CTNNA1: variants seen among roughly 807,000 people sequenced by gnomAD.
CTNNA1 encodes catenin alpha-1.
CTNNA1 carries 37 observed loss-of-function variants against 98.4 expected under a neutral mutation model. The ratio of observed to expected loss-of-function variants is 0.38; its 90% CI spans 0.29 to 0.49. The LOEUF (loss-of-function observed/expected upper bound fraction) is 0.49. CTNNA1 is among the 20% of genes least tolerant of loss of function. The pLI is 0.95. For missense variants in CTNNA1, 761 were observed against 1,147.2 expected (o/e 0.66, Z 4.86); for synonymous variants, 404 against 413.2 (o/e 0.98, Z 0.27).
chr5:138,852,913 G>A (rs1023599280), intron 7 of CTNNA1, among the ~76,000 whole-genome samples: 2 of 122,774 alleles, frequency 1.6e-5, no homozygotes, highest in Non-Finnish European at 3.6e-5. Flanking sequence ...GATCAAAGTG[G>A]GATCATTGTT....
At chr5:138,901,836 T>C (rs781523977) in intron 9 of CTNNA1, among the ~76,000 whole-genome samples, 15 of 152,212 alleles carry the variant, frequency 9.9e-5, no homozygotes, top group Non-Finnish European at 1.8e-4. Context: ...CTCCTTTCAC[T>C]GTAGTCAGGC....
At chr5:138,854,337 C>A (rs960294740) in intron 7 of CTNNA1, among the ~76,000 whole-genome samples, 4 of 152,152 alleles carry the variant, frequency 2.6e-5, no homozygotes, top group Non-Finnish European at 4.4e-5. Context: ...TAAAAAAAAT[C>A]TTTGACAAGA....
At chr5:138,847,439 A>G (rs1378839610) in intron 7 of CTNNA1, among the ~76,000 whole-genome samples, 1 of 152,190 alleles carries the variant, frequency 6.6e-6, no homozygotes, top group African/African-American at 2.4e-5. Context: ...TGCTGAGATT[A>G]GAGGCATGAG....
chr5:138,924,733 G>C, intron 12 of CTNNA1, 23 bp downstream of exon 12: 2 of 1,547,734 alleles, frequency 1.3e-6, no homozygotes, highest in African/African-American at 2.7e-5. Context: ...TCCCTTTCCA[G>C]TGCTCGCACA....
chr5:138,782,188 G>C (rs184748408), intron 2 of CTNNA1, 159 bp downstream of exon 2: 3 of 730,302 alleles, frequency 4.1e-6, no homozygotes, highest in South Asian at 3.3e-5. Flanking sequence ...CATGGGTTTA[G>C]TTAACCCTTG....
At chr5:138,907,845 C>T (rs1759613947) in intron 10 of CTNNA1, among the ~76,000 whole-genome samples, 1 of 152,182 alleles carries the variant, frequency 6.6e-6, no homozygotes, top group African/African-American at 2.4e-5. Flanking sequence ...CATGCCCAGG[C>T]TGCTGTACAT....
chr5:138,765,627 A>T (rs1171787633), intron 1 of CTNNA1, among the ~76,000 whole-genome samples: 1 of 152,266 alleles, frequency 6.6e-6, no homozygotes, highest in South Asian at 2.1e-4. Context: ...TTATGAACTC[A>T]GGAGATCAGG....
chr5:138,900,583 C>G (rs1757818633), intron 9 of CTNNA1, among the ~76,000 whole-genome samples: 1 of 152,066 alleles, frequency 6.6e-6, no homozygotes, highest in Non-Finnish European at 1.5e-5. Flanking sequence ...ACAGAAGGAG[C>G]AGGATTGAAA....
In CTNNA1 at chr5:138,824,513, T is replaced by G. The variant is rs1345124563; in HGVS notation, c.589-17T>G. ...TATAAAGAGTGCTCCAATTTCTTGT[T>G]TTATTTACTCTTGTAGGAATTGAAA... On this transcript the variant is annotated splice_polypyrimidine_tract_variant and intron_variant, in intron 5 of 17. Transcript: ENST00000302763. 1 of 1,606,820 alleles carries G rather than the reference T, an allele frequency of 6.2e-7. No homozygotes were observed. Among genetic ancestry groups the G allele is most frequent in the Non-Finnish European group, 8.5e-7 (1 of 1,174,086 alleles).
chr5:138,824,420 T>G (rs1760424048), intron 5 of CTNNA1, 110 bp from the exon 6 acceptor site: 2 of 1,146,408 alleles, frequency 1.7e-6, no homozygotes, highest in South Asian at 3.2e-5. Flanking sequence ...ATGAAAATAA[T>G]GTGTCTAATT....
chr5:138,784,702 GT>G (rs1315887099), intron 3 of CTNNA1, among the ~76,000 whole-genome samples: 1 of 152,160 alleles, frequency 6.6e-6, no homozygotes, highest in Non-Finnish European at 1.5e-5. Flanking sequence ...AAATCAAGGT[GT>G]TGGCAGGCTT....
chr5:138,880,502 T>G (rs908464360), intron 7 of CTNNA1, among the ~76,000 whole-genome samples: 2 of 152,220 alleles, frequency 1.3e-5, no homozygotes, highest in Non-Finnish European at 2.9e-5. Context: ...GCCGCCCCTT[T>G]TAAAACTCTT....
intron 1 of CTNNA1, among the ~76,000 whole-genome samples, chr5:138,763,327 A>G (rs1027577436): frequency 3.3e-5 from 5 of 152,208 alleles, no homozygotes; most frequent in African/African-American, 9.6e-5. Flanking sequence ...CGGCTCTGTT[A>G]CATGCATTCT....
chr5:138,900,138 C>T (rs954944625), intron 9 of CTNNA1, among the ~76,000 whole-genome samples: 3 of 152,156 alleles, frequency 2.0e-5, no homozygotes, highest in South Asian at 2.1e-4. Context: ...ACTTTATGTA[C>T]GACAAGTTTG....
Position 138,761,265 on chromosome 5 carries a change from C to T in CTNNA1, c.-3+7755C>T, listed in dbSNP as rs551006528. 6.6e-4 allele frequency among the ~76,000 whole-genome samples: 100 copies of T among 152,248 alleles called. 3 individuals carry two copies. In the South Asian group the frequency reaches 0.02, roughly 30 times the overall value. ...ATTTATTTTTTTTGAGACAGAGTCT[C>T]ACCCTGTCGCCCAGTCTGGAGTGCA... is the stretch of plus-strand genomic sequence containing the variant. On this transcript the variant is annotated intron_variant, in intron 1 of 17. Coordinates refer to ENST00000302763, the MANE Select transcript of CTNNA1 (RefSeq NM_001903.5).
rs11552054 is a variant in CTNNA1 at position 138,812,254 on chromosome 5, A to C, written c.540A>C (p.Leu180=). Residue 180 remains leucine (L), a synonymous_variant, in exon 5 of 18, where the codon CTA becomes CTC. Transcript: ENST00000302763. ...EQDLGIQYKA[L]KPEVDKLNIM... is the part of the protein sequence containing the mutation. Reference sequence around the variant, plus strand: ...ACTTAGGAATCCAGTATAAAGCCCTAAAACCTGAAGTGGATAAGCTGAACA... The same window carrying C: ...ACTTAGGAATCCAGTATAAAGCCCTCAAACCTGAAGTGGATAAGCTGAACA... 0.039 allele frequency: 62,700 copies of C among 1,613,716 alleles called. 1,508 individuals carry two copies. The highest frequency in any genetic ancestry group is 0.076 in the Middle Eastern group (460 of 6,060).
At chr5:138,831,201 T>C (rs1442493464) in intron 7 of CTNNA1, among the ~76,000 whole-genome samples, 1 of 152,224 alleles carries the variant, frequency 6.6e-6, no homozygotes, top group African/African-American at 2.4e-5. Context: ...TTTGTGTTGC[T>C]TATTACCAGG....
chr5:138,780,193 T>A (rs1580967639), intron 1 of CTNNA1, among the ~76,000 whole-genome samples: 1 of 151,790 alleles, frequency 6.6e-6, no homozygotes, highest in African/African-American at 2.4e-5. Context: ...TTATTTATTT[T>A]ATTTTTTATT....
intron 1 of CTNNA1, among the ~76,000 whole-genome samples, chr5:138,771,708 A>G (rs992409529): frequency 6.6e-6 from 1 of 152,076 alleles, no homozygotes; most frequent in Non-Finnish European, 1.5e-5. Flanking sequence ...TTTTTTTGGC[A>G]GTTACCAGGA....
Sources: gnomAD v4.1 joint callset for allele counts (sites outside exome capture counted in the v4.1 genomes callset) on GRCh38, gnomAD v4.1.1 for gene constraint, MANE v1.5 for transcripts, NCBI Gene and HGNC (gene_info 2026-07-23, HGNC 2026-07-21) for gene names.